The following PLAC1 variants were observed in gnomAD, a reference collection of about 807,000 sequenced individuals.
The protein encoded by PLAC1 is placenta-specific protein 1.
For missense variants in PLAC1, 136 were observed against 163.2 expected, an observed-to-expected ratio of 0.83 and a Z score of 0.91; for synonymous variants, 68 against 62.1, an observed-to-expected ratio of 1.09 and a Z score of -0.44.
chrX:134,581,457 T>C (rs953215514), intron 2 of PLAC1, among the ~76,000 whole-genome samples: 1 of 103,280 alleles, frequency 9.7e-6, no homozygotes, highest in Non-Finnish European at 2.0e-5. Context: ...AATAATACCA[T>C]CTGGTGGTTT....
At chrX:134,693,610 C>T (rs914962058) in intron 2 of PLAC1, among the ~76,000 whole-genome samples, 4 of 111,403 alleles carry the variant, frequency 3.6e-5, no homozygotes, top group African/African-American at 9.8e-5. Context: ...TGTCTTGTTA[C>T]GTGGGTATGG....
intron 2 of PLAC1, among the ~76,000 whole-genome samples, chrX:134,729,806 T>C (rs1294023764): frequency 2.7e-5 from 3 of 111,314 alleles, no homozygotes; most frequent in Admixed American, 1.9e-4. Context: ...TGTTTTGTTT[T>C]TCGAGACGGA....
intron 2 of PLAC1, among the ~76,000 whole-genome samples, chrX:134,715,493 G>T (rs1404058970): frequency 9.4e-6 from 1 of 106,052 alleles, no homozygotes; most frequent in African/African-American, 3.5e-5. Context: ...TTCTACCTTG[G>T]GCTACTGCTA....
chrX:134,608,126 C>T (rs2078131899), intron 1 of PLAC1, among the ~76,000 whole-genome samples: 1 of 111,725 alleles, frequency 9.0e-6, no homozygotes, highest in Non-Finnish European at 1.9e-5. Flanking sequence ...TTTCTTGTTC[C>T]TCAGTAAGTT....
intron 1 of PLAC1, among the ~76,000 whole-genome samples, chrX:134,747,593 A>G (rs1013187599): frequency 9.0e-6 from 1 of 111,561 alleles, no homozygotes; most frequent in Admixed American, 9.5e-5. Context: ...ATTAATTTTT[A>G]AAAGAGACAT....
intron 2 of PLAC1, among the ~76,000 whole-genome samples, chrX:134,703,517 A>G (rs960605851): frequency 1.8e-5 from 2 of 111,386 alleles, no homozygotes; most frequent in African/African-American, 6.5e-5. Context: ...TGTCAGTGAT[A>G]AGCCTTCACT....
At chrX:134,680,545 G>GAACTAAACCAAACTA (rs2078491492) in intron 2 of PLAC1, among the ~76,000 whole-genome samples, 3 of 49,706 alleles carry the variant, frequency 6.0e-5, no homozygotes, top group South Asian at 2.2e-3. Flanking sequence ...AAACTAAACT[G>GAACTAAACCAAACTA]AACTAAACTA....
chrX:134,722,812 T>C (rs1430841402), intron 2 of PLAC1, among the ~76,000 whole-genome samples: 1 of 111,476 alleles, frequency 9.0e-6, no homozygotes, highest in African/African-American at 3.3e-5. Context: ...TCTTCTTACT[T>C]ATGTAAACAA....
At chrX:134,756,830 A>C (rs1167162900) in intron 1 of PLAC1, among the ~76,000 whole-genome samples, 1 of 109,060 alleles carries the variant, frequency 9.2e-6, no homozygotes, top group Non-Finnish European at 1.9e-5. Flanking sequence ...GCCTGGGGGA[A>C]AGAGCAAGAC....
At chrX:134,638,398 G>A (rs1310976585) in intron 1 of PLAC1, among the ~76,000 whole-genome samples, 1 of 112,585 alleles carries the variant, frequency 8.9e-6, no homozygotes, top group Non-Finnish European at 1.9e-5. Flanking sequence ...TGAGTTGACA[G>A]TTGTTGAGGT....
At chrX:134,630,722 T>C (rs753129237) in intron 1 of PLAC1, among the ~76,000 whole-genome samples, 1 of 112,011 alleles carries the variant, frequency 8.9e-6, no homozygotes, top group Non-Finnish European at 1.9e-5. Context: ...TAACTACTAG[T>C]GCGATCTTGG....
chrX:134,577,379 A>G (rs1276439419), intron 2 of PLAC1, among the ~76,000 whole-genome samples: 3 of 111,727 alleles, frequency 2.7e-5, no homozygotes, highest in Non-Finnish European at 5.6e-5. Flanking sequence ...ATCCTGTCCT[A>G]CGTCAGAGGC....
upstream of PLAC1, among the ~76,000 whole-genome samples, chrX:134,661,613 A>G (rs1466438571): frequency 8.9e-6 from 1 of 112,454 alleles, no homozygotes; most frequent in Non-Finnish European, 1.9e-5. Context: ...GTGGTCAGGA[A>G]GCAGTTGAGA....
intron 1 of PLAC1, among the ~76,000 whole-genome samples, chrX:134,656,239 G>A (rs1223945589): frequency 8.9e-6 from 1 of 112,199 alleles, no homozygotes; most frequent in Non-Finnish European, 1.9e-5. Context: ...ACACCAGACA[G>A]AGACCGATCT....
intron 2 of PLAC1, among the ~76,000 whole-genome samples, chrX:134,598,771 T>C (rs1464163360): frequency 9.0e-6 from 1 of 111,251 alleles, no homozygotes; most frequent in African/African-American, 3.3e-5. Flanking sequence ...GGGGATGAAA[T>C]TCAGTAAAAA....
intron 2 of PLAC1, among the ~76,000 whole-genome samples, chrX:134,665,071 A>AGTGTGTGTGTGTGTGT (rs59815179): frequency 2.9e-5 from 3 of 103,851 alleles, no homozygotes; most frequent in African/African-American, 1.1e-4. Flanking sequence ...GTGATTTTGG[A>AGTGTGTGTGTGTGTGT]GTGTGTGTGT....
chrX:134,688,109 G>A (rs1348464019), intron 2 of PLAC1, among the ~76,000 whole-genome samples: 1 of 108,523 alleles, frequency 9.2e-6, no homozygotes, highest in Non-Finnish European at 1.9e-5. Context: ...TAAAAGAAAA[G>A]GCTCCCACAG....
chrX:134,760,670 T>C (rs1173215600), intron 1 of PLAC1, among the ~76,000 whole-genome samples: 1 of 110,809 alleles, frequency 9.0e-6, no homozygotes, highest in African/African-American at 3.3e-5. Context: ...TAACAATACC[T>C]ATAGTATTGT....
chrX:134,598,895 C>T (rs763675979), intron 2 of PLAC1, among the ~76,000 whole-genome samples: 3 of 111,428 alleles, frequency 2.7e-5, no homozygotes, highest in Non-Finnish European at 5.6e-5. Flanking sequence ...AGCACAAGTA[C>T]ACAGTAAGTA....
Sources: gnomAD v4.1 joint callset for allele counts (sites outside exome capture counted in the v4.1 genomes callset) on GRCh38, gnomAD v4.1.1 for gene constraint, MANE v1.5 for transcripts, NCBI Gene and HGNC (gene_info 2026-07-23, HGNC 2026-07-21) for gene names.